The following VAV2 variants were observed in gnomAD, a reference collection of about 807,000 sequenced individuals.
VAV2 encodes the protein guanine nucleotide exchange factor VAV2.
Under a neutral mutation model 132.5 loss-of-function variants are expected in VAV2, and 67 were observed. The ratio of observed to expected loss-of-function variants is 0.51; its 90% CI spans 0.42 to 0.62. The LOEUF is 0.62. Ranked by LOEUF, VAV2 falls within the 20% of genes least tolerant of loss-of-function variation. The pLI, the probability that VAV2 is intolerant of heterozygous loss-of-function variation, is 0.00. For synonymous variants in VAV2, 492 were observed against 443.5 expected, an observed-to-expected ratio of 1.11 and a Z score of -1.37; for missense variants, 938 against 1,153.6, an observed-to-expected ratio of 0.81 and a Z score of 2.71.
chr9:133,858,398 A>G (rs12344583), intron 3 of VAV2, among the ~76,000 whole-genome samples: 42,888 of 152,112 alleles, frequency 0.28, 7,569 homozygotes, highest in African/African-American at 0.5. Flanking sequence ...GTCACACACC[A>G]TTGCTGGGAG....
intron 3 of VAV2, among the ~76,000 whole-genome samples, chr9:133,835,018 A>G (rs1056997248): frequency 6.6e-6 from 1 of 152,158 alleles, no homozygotes; most frequent in Admixed American, 6.5e-5. Flanking sequence ...CAGATGCCCC[A>G]ACCCTGGTGC....
chr9:133,963,014 G>C (rs1300077871), intron 1 of VAV2, among the ~76,000 whole-genome samples: 1 of 152,080 alleles, frequency 6.6e-6, no homozygotes, highest in African/African-American at 2.4e-5. Context: ...AATGTGATTG[G>C]GTACAGCTTT....
chr9:133,839,319 G>C (rs548243023), intron 3 of VAV2, among the ~76,000 whole-genome samples: 1 of 151,872 alleles, frequency 6.6e-6, no homozygotes, highest in Admixed American at 6.6e-5. Context: ...ATGAGTGGAT[G>C]GATGAACAAA....
chr9:133,837,269 C>A (rs945214983), intron 3 of VAV2, among the ~76,000 whole-genome samples: 1 of 152,218 alleles, frequency 6.6e-6, no homozygotes, highest in African/African-American at 2.4e-5. Flanking sequence ...AGGGCACTTT[C>A]CACTGCCCAA....
At chr9:133,959,457 C>T (rs562296928) in intron 1 of VAV2, among the ~76,000 whole-genome samples, 33 of 152,308 alleles carry the variant, frequency 2.2e-4, no homozygotes, top group African/African-American at 7.9e-4. Context: ...CCCTTTCACA[C>T]CCCATTCTGC....
At chr9:133,841,176 G>C (rs1424697593) in intron 3 of VAV2, among the ~76,000 whole-genome samples, 1 of 152,116 alleles carries the variant, frequency 6.6e-6, no homozygotes, top group Non-Finnish European at 1.5e-5. Flanking sequence ...CATGAGGACT[G>C]TGGGGCCTCA....
Position 133,844,139 on chromosome 9 carries a change from C to T in VAV2, c.381-9799G>A, listed in dbSNP as rs534851559. Among the ~76,000 whole-genome samples, 19 of 152,356 alleles carry T rather than the reference C, an allele frequency of 1.2e-4. No individual in the cohort carries two copies. In the East Asian group the frequency reaches 3.3e-3, roughly 26 times the overall value. On this transcript the variant is annotated intron_variant, in intron 3 of 29. Coordinates refer to ENST00000371850, the MANE Select transcript of VAV2 (RefSeq NM_001134398.2). ...AAAGAAATGCTCGGTCCCCTGCCCC[C>T]TCTACTTTGTCTGGGAGAGGAAGGG...
chr9:133,780,301 G>A (rs574618984), intron 20 of VAV2, among the ~76,000 whole-genome samples: 1 of 152,314 alleles, frequency 6.6e-6, no homozygotes, highest in Admixed American at 6.5e-5. Context: ...ATGGAGGCTG[G>A]TTCATGTGGA....
chr9:133,875,389 T>G (rs1363164484), intron 2 of VAV2, among the ~76,000 whole-genome samples: 3 of 152,218 alleles, frequency 2.0e-5, no homozygotes, highest in Non-Finnish European at 4.4e-5. Context: ...GCCACCCTTC[T>G]GCCGGCTAAG....
At chr9:133,899,126 C>A (rs1286841769) in intron 2 of VAV2, among the ~76,000 whole-genome samples, 1 of 151,902 alleles carries the variant, frequency 6.6e-6, no homozygotes, top group Non-Finnish European at 1.5e-5. Flanking sequence ...AGGCCCAGAC[C>A]CTTCCTCTTG....
At chr9:133,774,536 C>G (rs1021102289) in intron 25 of VAV2, among the ~76,000 whole-genome samples, 1 of 152,130 alleles carries the variant, frequency 6.6e-6, no homozygotes, top group Non-Finnish European at 1.5e-5. Flanking sequence ...AGACACCCTC[C>G]TAGGCCCCTG....
chr9:133,800,437 G>A (rs549003897), intron 9 of VAV2, among the ~76,000 whole-genome samples: 3 of 152,192 alleles, frequency 2.0e-5, no homozygotes, highest in Non-Finnish European at 4.4e-5. Flanking sequence ...GGTCCTGCCC[G>A]CATGGAGCCA....
At chr9:133,956,774 G>C (rs765108770) in intron 1 of VAV2, among the ~76,000 whole-genome samples, 3 of 152,224 alleles carry the variant, frequency 2.0e-5, no homozygotes, top group Non-Finnish European at 4.4e-5. Context: ...GAATGCTGCA[G>C]CTGCAGCCTC....
chr9:133,973,461 G>A (rs916577359), intron 1 of VAV2, among the ~76,000 whole-genome samples: 1 of 152,208 alleles, frequency 6.6e-6, no homozygotes, highest in Non-Finnish European at 1.5e-5. Context: ...CTATGCCGCT[G>A]GCCTCTGGTC....
At chr9:133,937,335 T>C (rs1415612036) in intron 2 of VAV2, among the ~76,000 whole-genome samples, 1 of 151,540 alleles carries the variant, frequency 6.6e-6, no homozygotes, top group Non-Finnish European at 1.5e-5. Flanking sequence ...GGTGTGAACA[T>C]GGAAGACGGG....
chr9:133,971,540 G>GGCCCCCA (rs1307068039), intron 1 of VAV2, among the ~76,000 whole-genome samples: 63 of 152,334 alleles, frequency 4.1e-4, no homozygotes, highest in African/African-American at 1.5e-3. Flanking sequence ...GGGGGCCTGA[G>GGCCCCCA]CTGCTCCACT....
chr9:133,780,343 G>A (rs1833964408), intron 20 of VAV2, among the ~76,000 whole-genome samples: 1 of 152,192 alleles, frequency 6.6e-6, no homozygotes, highest in South Asian at 2.1e-4. Flanking sequence ...CGAAGCCCCT[G>A]GAAGTGACTC....
chr9:133,873,107 CG>C (rs1466145553), intron 2 of VAV2, among the ~76,000 whole-genome samples: 87 of 12,548 alleles, frequency 6.9e-3, no homozygotes, highest in African/African-American at 0.028. Context: ...AGGGAGGGGG[CG>C]GGGGGGTGGG....
chr9:133,873,728 T>TG (rs34243754), intron 2 of VAV2, among the ~76,000 whole-genome samples: 2 of 152,178 alleles, frequency 1.3e-5, no homozygotes, highest in Admixed American at 6.5e-5. Context: ...CAGGGGCTGT[T>TG]GGGGGGAATT....
Sources: gnomAD v4.1 joint callset for allele counts (sites outside exome capture counted in the v4.1 genomes callset) on GRCh38, gnomAD v4.1.1 for gene constraint, MANE v1.5 for transcripts, NCBI Gene and HGNC (gene_info 2026-07-23, HGNC 2026-07-21) for gene names.